NHSL1: variants seen among roughly 807,000 people sequenced by gnomAD.
The protein encoded by NHSL1 is NHS like 1.
A neutral mutation model predicts 95.0 loss-of-function variants in NHSL1; 48 were observed. The ratio of observed to expected loss-of-function variants is 0.51; its 90% CI spans 0.40 to 0.64. The LOEUF (loss-of-function observed/expected upper bound fraction) is 0.64, where lower values mean the gene tolerates loss of function less well. Among genes scored for constraint, NHSL1 ranks in the 30% least tolerant of loss-of-function variants. The pLI, the probability that NHSL1 is intolerant of heterozygous loss-of-function variation, is 0.00. For missense variants in NHSL1, 1,971 were observed against 2,077.7 expected (o/e 0.95, Z 1.00); for synonymous variants, 783 against 833.9 (o/e 0.94, Z 1.05).
intron 1 of NHSL1, among the ~76,000 whole-genome samples, chr6:138,664,208 T>C (rs970335623): frequency 6.6e-6 from 1 of 152,198 alleles, no homozygotes; most frequent in African/African-American, 2.4e-5. Context: ...TTTGGTCACA[T>C]TTACTTTACA....
At chr6:138,427,348 G>A (rs1775331652) in intron 7 of NHSL1, among the ~76,000 whole-genome samples, 1 of 152,076 alleles carries the variant, frequency 6.6e-6, no homozygotes, top group Non-Finnish European at 1.5e-5. Context: ...GCTGAGGCAG[G>A]AGAATCATTC....
chr6:138,612,884 A>G (rs1012763910), intron 1 of NHSL1, among the ~76,000 whole-genome samples: 1 of 152,192 alleles, frequency 6.6e-6, no homozygotes, highest in African/African-American at 2.4e-5. Context: ...ATGGAGGAAC[A>G]CTATCTCTTT....
chr6:138,638,559 C>T (rs2114677608), intron 1 of NHSL1, among the ~76,000 whole-genome samples: 1 of 152,116 alleles, frequency 6.6e-6, no homozygotes, highest in East Asian at 1.9e-4. Context: ...TACTTACTGT[C>T]AAGGAGGTAG....
At chr6:138,672,283 A>G (rs1785382957) in intron 1 of NHSL1, among the ~76,000 whole-genome samples, 1 of 152,118 alleles carries the variant, frequency 6.6e-6, no homozygotes, top group Non-Finnish European at 1.5e-5. Context: ...TAACAGTTAC[A>G]TCCTTGAATG....
chr6:138,659,434 T>C (rs1167868783), intron 1 of NHSL1, among the ~76,000 whole-genome samples: 1 of 152,090 alleles, frequency 6.6e-6, no homozygotes, highest in Non-Finnish European at 1.5e-5. Context: ...TTAAGATATT[T>C]CTGAATGGCA....
chr6:138,497,588 T>C (rs566557940), intron 1 of NHSL1, among the ~76,000 whole-genome samples: 7 of 152,308 alleles, frequency 4.6e-5, no homozygotes, highest in African/African-American at 1.7e-4. Flanking sequence ...TCACTAAACA[T>C]ACTCTATAGC....
intron 1 of NHSL1, among the ~76,000 whole-genome samples, chr6:138,535,572 C>A (rs577475791): frequency 1.6e-4 from 24 of 152,060 alleles, no homozygotes; most frequent in Non-Finnish European, 3.2e-4. Flanking sequence ...GTCTCCCCTC[C>A]CCGACACCCC....
intron 1 of NHSL1, among the ~76,000 whole-genome samples, chr6:138,583,354 TG>T (rs958505360): frequency 1.3e-4 from 20 of 152,084 alleles, no homozygotes; most frequent in Non-Finnish European, 1.5e-5. Flanking sequence ...CCCAAGGAAG[TG>T]GGGGCAGGGG....
intron 1 of NHSL1, among the ~76,000 whole-genome samples, chr6:138,662,371 A>T (rs1181194050): frequency 6.6e-6 from 1 of 152,230 alleles, no homozygotes; most frequent in Non-Finnish European, 1.5e-5. Context: ...TTCTTCTTAG[A>T]GGCACATTAA....
intron 1 of NHSL1, among the ~76,000 whole-genome samples, chr6:138,553,312 C>T (rs972701439): frequency 6.6e-6 from 1 of 152,200 alleles, no homozygotes; most frequent in Admixed American, 6.5e-5. Context: ...CCCTTACCCC[C>T]ATACTCTGCT....
chr6:138,551,418 G>C (rs1474986056), intron 1 of NHSL1, among the ~76,000 whole-genome samples: 1 of 152,176 alleles, frequency 6.6e-6, no homozygotes, highest in African/African-American at 2.4e-5. Flanking sequence ...GGATGCAAGA[G>C]ATTGGAGATG....
At chr6:138,542,484 T>C (rs1168861376) in intron 1 of NHSL1, among the ~76,000 whole-genome samples, 1 of 152,252 alleles carries the variant, frequency 6.6e-6, no homozygotes, top group Non-Finnish European at 1.5e-5. Context: ...GGAAATGAGA[T>C]TAAATGTTTA....
chr6:138,626,528 C>T (rs1784739587), intron 1 of NHSL1, among the ~76,000 whole-genome samples: 1 of 152,114 alleles, frequency 6.6e-6, no homozygotes, highest in African/African-American at 2.4e-5. Context: ...TCTTCGAGCC[C>T]ATGGTAAGTT....
At chr6:138,561,983 G>T (rs141291181) in intron 1 of NHSL1, among the ~76,000 whole-genome samples, 16 of 152,186 alleles carry the variant, frequency 1.1e-4, no homozygotes, top group Non-Finnish European at 2.1e-4. Context: ...AAATGTCAGC[G>T]ATGAACTGAT....
At chr6:138,678,352 T>C (rs2114779389) in intron 1 of NHSL1, among the ~76,000 whole-genome samples, 1 of 152,310 alleles carries the variant, frequency 6.6e-6, no homozygotes, top group Non-Finnish European at 1.5e-5. Context: ...AGATGACCTT[T>C]CATCAGTGCA....
intron 2 of NHSL1, among the ~76,000 whole-genome samples, chr6:138,490,538 G>A (rs1780011314): frequency 6.6e-6 from 1 of 152,264 alleles, no homozygotes; most frequent in Non-Finnish European, 1.5e-5. Context: ...ACAACTAAGG[G>A]TGGATGCAGT....
rs755252121 is a variant in NHSL1 at position 138,430,913 on chromosome 6, G to A, written c.3432C>T (p.Ser1144=). The change falls in exon 6 of 8, where the codon AGC becomes AGT. Residue 1144 remains serine, a synonymous_variant. Transcript: ENST00000343505. This position sits in a 1 kb window ranked among gnomAD's most constrained non-coding sequence, Gnocchi z 4.7. ...CACTGCCATGGTCACCCTGACTCGA[G>A]CTCTTGGCAGGCGTCGGAAGCGAGC... The part of the protein sequence containing the change: ...VTSSLPTPAK[S]SSQGDHGSAA... 6.4e-6 allele frequency: 10 copies of A among 1,551,498 alleles called. No homozygotes were observed. The highest frequency in any genetic ancestry group is 8.7e-6 in the Non-Finnish European group (10 of 1,146,836).
chr6:138,663,933 T>C (rs1050795708), intron 1 of NHSL1, among the ~76,000 whole-genome samples: 6 of 152,338 alleles, frequency 3.9e-5, no homozygotes, highest in South Asian at 2.1e-4. Context: ...CCACAGATAA[T>C]GAGGTTACAA....
At chr6:138,654,484 T>C (rs76322988) in intron 1 of NHSL1, among the ~76,000 whole-genome samples, 1,836 of 152,336 alleles carry the variant, frequency 0.012, 25 homozygotes, top group African/African-American at 0.042. Context: ...ACACTGGCCA[T>C]TGATAAGAAA....
Sources: gnomAD v4.1 joint callset for allele counts (sites outside exome capture counted in the v4.1 genomes callset) on GRCh38, gnomAD v4.1.1 for gene constraint, Gnocchi (gnomAD v3.1) non-coding constraint, MANE v1.5 for transcripts, NCBI Gene and HGNC (gene_info 2026-07-23, HGNC 2026-07-21) for gene names.